Variants in PDZD2 observed in about 807,000 individuals in gnomAD.
PDZD2 encodes PDZ domain containing 2.
PDZD2 carries 90 observed loss-of-function variants against 220.7 expected under a neutral mutation model. The ratio of observed to expected loss-of-function variants is 0.41; its 90% CI spans 0.34 to 0.49. The LOEUF (loss-of-function observed/expected upper bound fraction) is 0.49. Ranked by LOEUF, PDZD2 falls within the 20% of genes least tolerant of loss-of-function variation. The probability of loss-of-function intolerance (pLI) is 0.28; values close to 1 mark genes in which losing one functional copy is unlikely to be tolerated. For synonymous variants in PDZD2, 1,375 were observed against 1,450.5 expected (o/e 0.95, Z 1.18); for missense variants, 3,174 against 3,608.5 (o/e 0.88, Z 3.08).
At chr5:31,846,811 G>A (rs766907450) in intron 2 of PDZD2, among the ~76,000 whole-genome samples, 8 of 152,124 alleles carry the variant, frequency 5.3e-5, no homozygotes, top group Admixed American at 2.0e-4. Flanking sequence ...GGGAATTTCC[G>A]CTTTCTTCCT....
intron 2 of PDZD2, among the ~76,000 whole-genome samples, chr5:31,978,795 C>T (rs947592232): frequency 6.6e-6 from 1 of 151,888 alleles, no homozygotes; most frequent in Non-Finnish European, 1.5e-5. Flanking sequence ...GTAATTCATT[C>T]ATTGCCCTTT....
intron 1 of PDZD2, among the ~76,000 whole-genome samples, chr5:31,796,815 C>T (rs780729102): frequency 1.3e-4 from 20 of 152,240 alleles, no homozygotes; most frequent in Admixed American, 1.2e-3. Flanking sequence ...GAGTGCAAAT[C>T]GACACCAGGA....
intron 2 of PDZD2, among the ~76,000 whole-genome samples, chr5:31,939,744 G>A (rs534681339): frequency 6.6e-6 from 1 of 152,318 alleles, no homozygotes; most frequent in Non-Finnish European, 1.5e-5. Context: ...TGAGGGCTGA[G>A]TGTCCAGCCC....
chr5:31,736,794 A>G (rs182019040), intron 1 of PDZD2, among the ~76,000 whole-genome samples: 48 of 152,276 alleles, frequency 3.2e-4, no homozygotes, highest in African/African-American at 1.1e-3. Context: ...GGGCAGATCT[A>G]TCATGAATGA....
chr5:32,030,590 CT>C (rs1755042630), intron 6 of PDZD2, among the ~76,000 whole-genome samples: 1 of 152,146 alleles, frequency 6.6e-6, no homozygotes, highest in Non-Finnish European at 1.5e-5. Context: ...AGTATTTCTA[CT>C]GTTTCTTTGT....
chr5:32,060,913 A>T, intron 13 of PDZD2, 89 bp from the exon 14 acceptor site: 1 of 1,255,196 alleles, frequency 8.0e-7, no homozygotes, highest in Middle Eastern at 1.9e-4. Context: ...AAAAGATTTC[A>T]TATTATAAAC....
chr5:31,960,932 T>G (rs1748166031), intron 2 of PDZD2, among the ~76,000 whole-genome samples: 1 of 152,218 alleles, frequency 6.6e-6, no homozygotes. Context: ...TCTGTGAGGG[T>G]GTAGGGACCG....
chr5:31,938,624 C>CA (rs74394888), intron 2 of PDZD2, among the ~76,000 whole-genome samples: 62,245 of 151,838 alleles, frequency 0.41, 13,226 homozygotes, highest in Middle Eastern at 0.57. Flanking sequence ...GCTGGCTAGA[C>CA]TTCCACAATC....
chr5:32,085,885 T>G (rs1742402482), intron 19 of PDZD2, among the ~76,000 whole-genome samples: 1 of 151,976 alleles, frequency 6.6e-6, no homozygotes, highest in Non-Finnish European at 1.5e-5. Context: ...GTAAAAAATG[T>G]CATTGGAATT....
intron 2 of PDZD2, among the ~76,000 whole-genome samples, chr5:31,910,026 C>G (rs1254633356): frequency 6.6e-6 from 1 of 152,130 alleles, no homozygotes; most frequent in Non-Finnish European, 1.5e-5. Flanking sequence ...GTGCCAAATA[C>G]TGTCATCGGT....
At chr5:31,992,215 T>G (rs1048011941) in intron 3 of PDZD2, among the ~76,000 whole-genome samples, 3 of 152,122 alleles carry the variant, frequency 2.0e-5, no homozygotes, top group African/African-American at 7.2e-5. Flanking sequence ...AAAAAAAAAT[T>G]ATGTTATCGG....
At chr5:31,869,055 G>A (rs749872561) in intron 2 of PDZD2, among the ~76,000 whole-genome samples, 8 of 152,202 alleles carry the variant, frequency 5.3e-5, no homozygotes, top group Non-Finnish European at 7.3e-5. Context: ...TTACAGACAT[G>A]AGCCACCATA....
intron 1 of PDZD2, among the ~76,000 whole-genome samples, chr5:31,732,572 T>G (rs962853185): frequency 2.0e-5 from 3 of 152,210 alleles, no homozygotes; most frequent in African/African-American, 7.2e-5. Context: ...CCTGTGAACT[T>G]GGCCACCTGT....
At chr5:31,737,942 A>G (rs1265575718) in intron 1 of PDZD2, among the ~76,000 whole-genome samples, 1 of 152,206 alleles carries the variant, frequency 6.6e-6, no homozygotes, top group Non-Finnish European at 1.5e-5. Flanking sequence ...CTGATGAGGA[A>G]ACTGAGGCTC....
chr5:31,787,951 C>G (rs1753475019), intron 1 of PDZD2, among the ~76,000 whole-genome samples: 1 of 152,146 alleles, frequency 6.6e-6, no homozygotes, highest in African/African-American at 2.4e-5. Flanking sequence ...TTCATCTTTT[C>G]TTTTCTAGCC....
In PDZD2 at chr5:32,098,440, A is replaced by G. The variant is rs1488982342; in HGVS notation, c.8024A>G (p.Asn2675Ser). ...MNRGDFLLSVNGASLAGLAHG... is the reference protein window; with the variant it reads ...MNRGDFLLSVSGASLAGLAHG... ...CGAGGGGATTTCCTTCTGTCAGTCA[A>G]CGGCGCCTCACTGGCTGGCTTAGCC... The change falls in exon 23 of 25, where the codon AAC becomes AGC. Residue 2675 changes from asparagine to serine, a missense_variant. By Grantham distance (46) the Asn-to-Ser change is conservative (BLOSUM62 1). Coordinates refer to ENST00000438447, the MANE Select transcript of PDZD2 (RefSeq NM_178140.4). The surrounding 1 kb of genome is among the most constrained non-coding windows in gnomAD (Gnocchi z 4.1). 4.3e-6 allele frequency: 7 copies of G among 1,613,992 alleles called. No homozygotes were observed. Among genetic ancestry groups the G allele is most frequent in the Admixed American group, 3.3e-5 (2 of 59,980 alleles).
At chr5:31,835,385 G>A (rs1314817073) in intron 2 of PDZD2, among the ~76,000 whole-genome samples, 2 of 152,162 alleles carry the variant, frequency 1.3e-5, no homozygotes, top group African/African-American at 2.4e-5. Flanking sequence ...TTGGGAGGCC[G>A]ACGCAGGTGA....
At chr5:31,880,020 TCTC>T (rs930320116) in intron 2 of PDZD2, among the ~76,000 whole-genome samples, 4 of 150,760 alleles carry the variant, frequency 2.7e-5, no homozygotes, top group Non-Finnish European at 5.9e-5. Flanking sequence ...TTCAAGCAAT[TCTC>T]CTGCCTCAGC....
intron 2 of PDZD2, among the ~76,000 whole-genome samples, chr5:31,808,213 G>A (rs1580797062): frequency 6.6e-6 from 1 of 152,272 alleles, no homozygotes; most frequent in East Asian, 1.9e-4. Flanking sequence ...TGGATATATA[G>A]TAAGAGGTCG....
Sources: gnomAD v4.1 joint callset for allele counts (sites outside exome capture counted in the v4.1 genomes callset) on GRCh38, gnomAD v4.1.1 for gene constraint, Gnocchi (gnomAD v3.1) non-coding constraint, MANE v1.5 for transcripts, NCBI Gene and HGNC (gene_info 2026-07-23, HGNC 2026-07-21) for gene names.